Variants in KCNJ6 observed in about 807,000 individuals in gnomAD.
The protein encoded by KCNJ6 is G protein-activated inward rectifier potassium channel 2.
A neutral mutation model predicts 34.2 loss-of-function variants in KCNJ6; 9 were observed. The ratio of observed to expected loss-of-function variants is 0.26; its 90% CI spans 0.16 to 0.46. The LOEUF (loss-of-function observed/expected upper bound fraction) is 0.46, where lower values mean the gene tolerates loss of function less well. KCNJ6 is among the 20% of genes least tolerant of loss of function. KCNJ6 has a pLI of 1.00. For synonymous variants in KCNJ6, 196 were observed against 207.1 expected, an observed-to-expected ratio of 0.95 and a Z score of 0.46; for missense variants, 236 against 531.3, an observed-to-expected ratio of 0.44 and a Z score of 5.46.
chr21:37,708,606 A>G (rs1353057726), intron 3 of KCNJ6, among the ~76,000 whole-genome samples: 1 of 218 alleles, frequency 4.6e-3, no homozygotes, highest in Non-Finnish European at 9.6e-3. Flanking sequence ...ATCACTCCTT[A>G]TAGAGATTCC....
chr21:37,711,397 G>T (rs747676559), intron 3 of KCNJ6, among the ~76,000 whole-genome samples: 20 of 152,242 alleles, frequency 1.3e-4, no homozygotes, highest in Admixed American at 2.6e-4. Context: ...AGGCCTGCTC[G>T]TGGAGACCAC....
At chr21:37,829,875 C>G (rs1162395069) in intron 2 of KCNJ6, among the ~76,000 whole-genome samples, 1 of 152,166 alleles carries the variant, frequency 6.6e-6, no homozygotes, top group Non-Finnish European at 1.5e-5. Flanking sequence ...TTACCAATAA[C>G]TTGGAAAGGC....
At chr21:37,880,449 C>T (rs937780112) in intron 1 of KCNJ6, among the ~76,000 whole-genome samples, 1 of 152,252 alleles carries the variant, frequency 6.6e-6, no homozygotes, top group African/African-American at 2.4e-5. Flanking sequence ...AACTCACTAT[C>T]TTCTTCCCAC....
At chr21:37,892,303 T>G (rs1252957473) in intron 1 of KCNJ6, among the ~76,000 whole-genome samples, 1 of 152,248 alleles carries the variant, frequency 6.6e-6, no homozygotes, top group Non-Finnish European at 1.5e-5. Flanking sequence ...CCATTTCTTC[T>G]GCAGGAACAG....
rs79579456 is a variant in KCNJ6, at chr21:37,655,355, G to T, written c.947-29871C>A. Among the ~76,000 whole-genome samples, 1,278 of 152,138 alleles carry T rather than the reference G, an allele frequency of 8.4e-3. 27 individuals carry two copies. Among genetic ancestry groups the T allele is most frequent in the African/African-American group, 0.03 (1,225 of 41,488 alleles). On this transcript the variant is annotated intron_variant, in intron 3 of 3. Coordinates refer to ENST00000609713, the MANE Select transcript of KCNJ6 (RefSeq NM_002240.5). Reference sequence around the variant, plus strand: ...TCCACCAACACCCTCCCCAGAAGTGGCCAGATTACTTTTGGAGTAATTGTA... The same window carrying T: ...TCCACCAACACCCTCCCCAGAAGTGTCCAGATTACTTTTGGAGTAATTGTA...
intron 1 of KCNJ6, among the ~76,000 whole-genome samples, chr21:37,881,350 G>A (rs1054343657): frequency 6.6e-6 from 1 of 152,160 alleles, no homozygotes; most frequent in African/African-American, 2.4e-5. Flanking sequence ...CACAGCTCTG[G>A]AGGCTGGGAA....
At chr21:37,679,967 A>G (rs768040002) in intron 3 of KCNJ6, among the ~76,000 whole-genome samples, 3 of 152,238 alleles carry the variant, frequency 2.0e-5, no homozygotes, top group Non-Finnish European at 4.4e-5. Context: ...TGTCAGCAGA[A>G]GGGCTGGATA....
At chr21:37,811,032 C>G (rs1046894301) in intron 2 of KCNJ6, among the ~76,000 whole-genome samples, 1 of 152,180 alleles carries the variant, frequency 6.6e-6, no homozygotes, top group African/African-American at 2.4e-5. Flanking sequence ...CCTAACCCAT[C>G]CATCCTCCGG....
intron 2 of KCNJ6, among the ~76,000 whole-genome samples, chr21:37,739,014 C>T (rs192214130): frequency 2.2e-3 from 334 of 152,316 alleles, no homozygotes; most frequent in Non-Finnish European, 3.9e-3. Context: ...CTGCTTGTCT[C>T]TTGCAGACCT....
intron 3 of KCNJ6, among the ~76,000 whole-genome samples, chr21:37,669,035 G>T (rs1358032073): frequency 6.6e-6 from 1 of 152,100 alleles, no homozygotes; most frequent in East Asian, 1.9e-4. Flanking sequence ...GCCATCTATT[G>T]TCTCAAAGGG....
At chr21:37,676,956 T>C (rs952793984) in intron 3 of KCNJ6, among the ~76,000 whole-genome samples, 7 of 152,178 alleles carry the variant, frequency 4.6e-5, no homozygotes, top group African/African-American at 1.4e-4. Flanking sequence ...CCAGTCCCCA[T>C]TGGGACCTGA....
At chr21:37,843,128 T>A (rs1449219862) in intron 1 of KCNJ6, among the ~76,000 whole-genome samples, 1 of 152,190 alleles carries the variant, frequency 6.6e-6, no homozygotes, top group Non-Finnish European at 1.5e-5. Flanking sequence ...AAGCCCTGTT[T>A]AGTGTGTCTG....
chr21:37,723,789 G>A (rs2054839309), intron 2 of KCNJ6, among the ~76,000 whole-genome samples: 1 of 152,124 alleles, frequency 6.6e-6, no homozygotes, highest in Non-Finnish European at 1.5e-5. Flanking sequence ...CGGGCTCAAG[G>A]GTTGAAAACC....
intron 3 of KCNJ6, among the ~76,000 whole-genome samples, chr21:37,641,316 T>A (rs899572853): frequency 2.0e-5 from 3 of 152,212 alleles, no homozygotes; most frequent in South Asian, 2.1e-4. Context: ...TTGTTCATCA[T>A]GTATTTATTG....
At chr21:37,802,646 C>T (rs2055274670) in intron 2 of KCNJ6, among the ~76,000 whole-genome samples, 1 of 152,150 alleles carries the variant, frequency 6.6e-6, no homozygotes, top group Admixed American at 6.5e-5. Flanking sequence ...CCATGTTAGA[C>T]TTCTAACCAC....
chr21:37,743,604 C>T (rs858016), intron 2 of KCNJ6, among the ~76,000 whole-genome samples: 54,710 of 152,014 alleles, frequency 0.36, 11,000 homozygotes, highest in Admixed American at 0.46. Context: ...CCCTCTCACC[C>T]TCTCTTACCC....
At chr21:37,738,154 C>G (rs2054922903) in intron 2 of KCNJ6, among the ~76,000 whole-genome samples, 1 of 152,214 alleles carries the variant, frequency 6.6e-6, no homozygotes, top group African/African-American at 2.4e-5. Flanking sequence ...GACAGGCAGC[C>G]CTGGGGGCCA....
At chr21:37,698,693 A>G (rs1031944593) in intron 3 of KCNJ6, among the ~76,000 whole-genome samples, 10 of 140,304 alleles carry the variant, frequency 7.1e-5, no homozygotes, top group Non-Finnish European at 1.6e-4. Context: ...CACCATGCCC[A>G]GGTAATTTTT....
intron 1 of KCNJ6, among the ~76,000 whole-genome samples, chr21:37,848,904 G>C (rs1019650992): frequency 1.3e-5 from 2 of 152,194 alleles, no homozygotes; most frequent in African/African-American, 4.8e-5. Context: ...TTGACTTTCA[G>C]CGTCAATATC....
Sources: gnomAD v4.1 joint callset for allele counts (sites outside exome capture counted in the v4.1 genomes callset) on GRCh38, gnomAD v4.1.1 for gene constraint, MANE v1.5 for transcripts, NCBI Gene and HGNC (gene_info 2026-07-23, HGNC 2026-07-21) for gene names.